The following MARCHF8 variants were observed in gnomAD, a reference collection of about 807,000 sequenced individuals.
MARCHF8 encodes the protein E3 ubiquitin-protein ligase MARCHF8.
Under a neutral mutation model 51.6 loss-of-function variants are expected in MARCHF8, and 40 were observed. The ratio of observed to expected loss-of-function variants is 0.77; its 90% confidence interval spans 0.60 to 1.01. The LOEUF (loss-of-function observed/expected upper bound fraction) is 1.01. Ranked by LOEUF, MARCHF8 falls within the 50% of genes least tolerant of loss-of-function variation. MARCHF8 has a pLI of 0.00. For synonymous variants in MARCHF8, 263 were observed against 280.3 expected, an observed-to-expected ratio of 0.94 and a Z score of 0.62; for missense variants, 685 against 708.6, an observed-to-expected ratio of 0.97 and a Z score of 0.38.
At chr10:45,588,751 C>A (rs1178006747) in intron 1 of MARCHF8, among the ~76,000 whole-genome samples, 9 of 152,138 alleles carry the variant, frequency 5.9e-5, no homozygotes, top group African/African-American at 2.2e-4. Context: ...GTAATCCCAG[C>A]ACTTTGGGAG....
rs184650828 is a variant in MARCHF8 at position 45,556,133 on chromosome 10, G to A, written c.-78-22844C>T. ...GTATGAGCAAGTGCACAAGATAAAC[G>A]GCATGATTTTTTCAGTAAATAACAT... On this transcript the variant is annotated intron_variant, in intron 1 of 6. Transcript: ENST00000319836. 1.6e-3 allele frequency among the ~76,000 whole-genome samples: 244 copies of A among 152,194 alleles called. 2 individuals are homozygous for A. Among genetic ancestry groups the A allele is most frequent in the African/African-American group, 5.2e-3 (217 of 41,528 alleles).
intron 1 of MARCHF8, among the ~76,000 whole-genome samples, chr10:45,551,404 T>C (rs1270042993): frequency 6.6e-6 from 1 of 151,908 alleles, no homozygotes; most frequent in Non-Finnish European, 1.5e-5. Flanking sequence ...TTTTTAGAGA[T>C]GCAATTTTTT....
At chr10:45,524,767 G>GAT (rs139300217) in intron 2 of MARCHF8, among the ~76,000 whole-genome samples, 2,042 of 152,208 alleles carry the variant, frequency 0.013, 16 homozygotes, top group Non-Finnish European at 0.019. Context: ...GAAAGCTACA[G>GAT]ACAGTTTGGT....
chr10:45,485,987 T>G (rs538298479), intron 3 of MARCHF8, among the ~76,000 whole-genome samples: 28 of 152,320 alleles, frequency 1.8e-4, no homozygotes, highest in Non-Finnish European at 3.2e-4. Flanking sequence ...AAAAACTGTC[T>G]TCTCAAAAAC....
intron 3 of MARCHF8, among the ~76,000 whole-genome samples, chr10:45,476,476 G>T (rs1315984136): frequency 1.3e-5 from 2 of 152,186 alleles, no homozygotes; most frequent in Admixed American, 1.3e-4. Context: ...GCTGAGGTGG[G>T]AGAATTGCTT....
intron 2 of MARCHF8, among the ~76,000 whole-genome samples, chr10:45,513,518 G>C (rs1434181469): frequency 6.6e-6 from 1 of 152,086 alleles, no homozygotes; most frequent in Non-Finnish European, 1.5e-5. Flanking sequence ...TTGTGTTCAG[G>C]GGATGTTTGT....
At chr10:45,519,311 G>A (rs35131026) in intron 2 of MARCHF8, among the ~76,000 whole-genome samples, 9,387 of 152,076 alleles carry the variant, frequency 0.062, 332 homozygotes, top group Non-Finnish European at 0.066. Context: ...CTAAATAAAC[G>A]CCATATCAGA....
intron 2 of MARCHF8, among the ~76,000 whole-genome samples, chr10:45,494,200 T>C (rs2043132739): frequency 6.6e-6 from 1 of 152,234 alleles, no homozygotes; most frequent in African/African-American, 2.4e-5. Context: ...ATCAGTGCTG[T>C]CAATGATGTT....
At chr10:45,471,724 A>G (rs1450556456) in intron 3 of MARCHF8, among the ~76,000 whole-genome samples, 3 of 152,258 alleles carry the variant, frequency 2.0e-5, no homozygotes, top group Admixed American at 1.3e-4. Flanking sequence ...ACTACCGAGC[A>G]GGAGTTTAAT....
intron 2 of MARCHF8, among the ~76,000 whole-genome samples, chr10:45,508,233 T>C (rs2043423941): frequency 6.7e-6 from 1 of 149,572 alleles, no homozygotes; most frequent in African/African-American, 2.5e-5. Flanking sequence ...ATCCTAAATG[T>C]AAAATAAAAT....
chr10:45,488,663 C>T (rs997397721), intron 3 of MARCHF8, among the ~76,000 whole-genome samples: 1 of 152,202 alleles, frequency 6.6e-6, no homozygotes, highest in African/African-American at 2.4e-5. Flanking sequence ...TCTACTGCAA[C>T]ATCTAGAACC....
chr10:45,480,668 C>T (rs2042869903), intron 3 of MARCHF8, among the ~76,000 whole-genome samples: 1 of 152,202 alleles, frequency 6.6e-6, no homozygotes, highest in Non-Finnish European at 1.5e-5. Context: ...CCTGCGGGTA[C>T]ACAAATGTCA....
In MARCHF8 at chr10:45,533,159, G is replaced by A; in HGVS notation, c.53C>T (p.Ser18Phe). The A allele has an allele frequency of 6.2e-7, 1 of 1,613,076 alleles. No homozygotes were observed. The highest frequency in any genetic ancestry group is 8.5e-7 in the Non-Finnish European group (1 of 1,179,504). Residue 18 changes from serine (S) to phenylalanine (F), a missense_variant, in exon 2 of 8, where the codon TCT becomes TTT. Physicochemically the swap from Ser to Phe is radical, Grantham distance 155. Transcript: ENST00000453424. ...GGTCTTACTTCTGTAGACTCTAGCA[G>A]AGATGGCATCCTGGGATGGAATGGC... The part of the protein sequence containing the change: ...ISAIPSQDAI[S>F]ARVYRSKTKE...
chr10:45,542,162 G>A (rs1589164128), intron 1 of MARCHF8, among the ~76,000 whole-genome samples: 4 of 151,864 alleles, frequency 2.6e-5, no homozygotes, highest in South Asian at 2.1e-4. Flanking sequence ...TGGCTAACAC[G>A]GTGAAACCCC....
chr10:45,570,910 C>A (rs961317652), intron 1 of MARCHF8, among the ~76,000 whole-genome samples: 2 of 152,040 alleles, frequency 1.3e-5, no homozygotes, highest in African/African-American at 4.8e-5. Flanking sequence ...CTGAAAACCA[C>A]AAAACACTGC....
intron 1 of MARCHF8, among the ~76,000 whole-genome samples, chr10:45,569,469 G>C (rs148620890): frequency 6.6e-6 from 1 of 152,296 alleles, no homozygotes; most frequent in East Asian, 1.9e-4. Flanking sequence ...CATGTTGAAT[G>C]ATCTTTCTAA....
rs746656589 is a variant in MARCHF8 at position 45,461,511 on chromosome 10, G to A, written c.1089-100C>T. 11 of 1,013,174 alleles carry A rather than the reference G, an allele frequency of 1.1e-5. No individual in the cohort carries two copies. The Admixed American group carries it at 1.5e-4, about 14-fold the overall frequency. 62.8% of individuals were successfully genotyped at this position (1,013,174 alleles called of 1,614,324 possible). A position where few individuals can be genotyped will look rare whatever the true frequency, so the allele number is the denominator to read the frequency against. On this transcript the variant is annotated intron_variant, in intron 5 of 7. Coordinates refer to ENST00000453424, the MANE Select transcript of MARCHF8 (RefSeq NM_001282866.2). ...ATCCCCCCAAAGGAAACTCAGAAAC[G>A]AACATTACAGAAGTGACTATGGGCA...
At chr10:45,567,361 T>C (rs1202027182) in intron 1 of MARCHF8, among the ~76,000 whole-genome samples, 3 of 152,232 alleles carry the variant, frequency 2.0e-5, no homozygotes, top group Non-Finnish European at 4.4e-5. Context: ...CCCAGAACAA[T>C]GTCTTGAAGA....
Position 45,571,529 on chromosome 10 carries a change from C to T in MARCHF8, c.-79+22706G>A, listed in dbSNP as rs1411850691. On this transcript the variant is annotated intron_variant, in intron 1 of 6. Coordinates refer to the MARCHF8 transcript ENST00000319836. Reference sequence around the variant, plus strand: ...GGTGATTAAAAAGCTTTATTGCTCACACAAAGCCTGTTTGGTGGTCTCTTC... The same window carrying T: ...GGTGATTAAAAAGCTTTATTGCTCATACAAAGCCTGTTTGGTGGTCTCTTC... 2.0e-5 allele frequency among the ~76,000 whole-genome samples: 3 copies of T among 152,250 alleles called. No individual in the cohort carries two copies. The East Asian group carries it at 5.8e-4, about 29-fold the overall frequency.
Sources: allele counts gnomAD v4.1 joint callset (sites outside exome capture counted in the v4.1 genomes callset), GRCh38; gene constraint gnomAD v4.1.1; transcripts MANE v1.5; gene names NCBI Gene and HGNC (gene_info 2026-07-23, HGNC 2026-07-21).